The following CRADD variants were observed in gnomAD, a reference collection of about 807,000 sequenced individuals.
CRADD encodes death domain-containing protein CRADD.
Under a neutral mutation model 15.5 loss-of-function variants are expected in CRADD, and 9 were observed. The ratio of observed to expected loss-of-function variants is 0.58; its 90% CI spans 0.35 to 1.01. The LOEUF is 1.01. Ranked by LOEUF, CRADD falls within the 50% of genes least tolerant of loss-of-function variation. CRADD has a pLI of 0.02. For synonymous variants in CRADD, 118 were observed against 107.6 expected (o/e 1.10, Z -0.60); for missense variants, 227 against 250.3 (o/e 0.91, Z 0.63).
chr12:93,871,491 A>G (rs1049541714), intron 2 of CRADD, among the ~76,000 whole-genome samples: 1 of 152,160 alleles, frequency 6.6e-6, no homozygotes, highest in African/African-American at 2.4e-5. Flanking sequence ...GCTATCAAAT[A>G]GTAGGTCTTA....
At chr12:93,881,097 G>A (rs1240777788) in intron 2 of CRADD, among the ~76,000 whole-genome samples, 1 of 152,132 alleles carries the variant, frequency 6.6e-6, no homozygotes, top group Non-Finnish European at 1.5e-5. Flanking sequence ...TCTTCAGATG[G>A]TTGTCATTTT....
intron 2 of CRADD, among the ~76,000 whole-genome samples, chr12:93,812,894 C>T (rs1957645733): frequency 6.6e-6 from 1 of 152,184 alleles, no homozygotes; most frequent in East Asian, 1.9e-4. Flanking sequence ...TTTGCCATAT[C>T]CTGTATTGTT....
At chr12:93,810,792 A>G (rs906965105) in intron 2 of CRADD, among the ~76,000 whole-genome samples, 7 of 152,028 alleles carry the variant, frequency 4.6e-5, no homozygotes, top group African/African-American at 1.7e-4. Flanking sequence ...CAGCACTATC[A>G]CTGCCTGTCT....
chr12:93,772,572 T>C (rs980685923), intron 2 of CRADD, among the ~76,000 whole-genome samples: 2 of 152,236 alleles, frequency 1.3e-5, no homozygotes, highest in Non-Finnish European at 2.9e-5. Context: ...ATGGGAACAG[T>C]GCTTTTTCAA....
chr12:93,690,761 C>T (rs1955544954), intron 2 of CRADD, among the ~76,000 whole-genome samples: 1 of 152,178 alleles, frequency 6.6e-6, no homozygotes, highest in Non-Finnish European at 1.5e-5. Flanking sequence ...GTCTGTGCTT[C>T]TAATCACTAG....
intron 2 of CRADD, among the ~76,000 whole-genome samples, chr12:93,734,173 G>GTCCATCCA (rs896401744): frequency 2.0e-5 from 3 of 150,710 alleles, no homozygotes; most frequent in Non-Finnish European, 4.4e-5. Flanking sequence ...CCATCCATCC[G>GTCCATCCA]TCCATCCATC....
At chr12:93,762,808 T>G (rs1956981460) in intron 2 of CRADD, among the ~76,000 whole-genome samples, 1 of 152,088 alleles carries the variant, frequency 6.6e-6, no homozygotes, top group South Asian at 2.1e-4. Flanking sequence ...ATTTGTAAAA[T>G]TTGTCCTTTT....
intron 2 of CRADD, among the ~76,000 whole-genome samples, chr12:93,838,666 C>A (rs1958010859): frequency 1.3e-5 from 2 of 151,608 alleles, no homozygotes; most frequent in South Asian, 4.2e-4. Context: ...ACTCTTGTTC[C>A]CCCTCCCTCT....
At position 93,880,731 on chromosome 12, in the gene CRADD, G is replaced by A. The variant is rs191660766; in HGVS notation, c.299-13319G>A. Among the ~76,000 whole-genome samples, 108 of 152,322 alleles carry A rather than the reference G, an allele frequency of 7.1e-4. 1 individual carries two copies. Among genetic ancestry groups the A allele is most frequent in the African/African-American group, 2.5e-3 (104 of 41,570 alleles). ...CTGATGTCTGGAGATCAGTCAGATAGGTGGATTTCTTCAGGTCTTCTTTGG... is the reference window on the plus strand; with the variant it reads ...CTGATGTCTGGAGATCAGTCAGATAAGTGGATTTCTTCAGGTCTTCTTTGG... On this transcript the variant is annotated intron_variant, in intron 2 of 2. Coordinates refer to the CRADD transcript ENST00000548483.
intron 2 of CRADD, among the ~76,000 whole-genome samples, chr12:93,757,143 C>T (rs566459055): frequency 3.9e-5 from 6 of 152,292 alleles, no homozygotes; most frequent in African/African-American, 1.4e-4. Context: ...CTTAATAAAG[C>T]ATTAGAAGAT....
At chr12:93,855,531 T>C (rs894214455), downstream of CRADD, among the ~76,000 whole-genome samples, 2 of 152,198 alleles carry the variant, frequency 1.3e-5, no homozygotes, top group Admixed American at 1.3e-4. Flanking sequence ...CGCCTGAGTA[T>C]CGAGTCTATG....
At chr12:93,878,997 C>G (rs796383729) in intron 2 of CRADD, among the ~76,000 whole-genome samples, 39 of 152,264 alleles carry the variant, frequency 2.6e-4, no homozygotes, top group African/African-American at 8.9e-4. Flanking sequence ...GCCTCCAAAT[C>G]TCCCACAATT....
intron 2 of CRADD, among the ~76,000 whole-genome samples, chr12:93,793,318 G>A (rs2136987703): frequency 6.6e-6 from 1 of 152,194 alleles, no homozygotes; most frequent in East Asian, 1.9e-4. Flanking sequence ...TATTACTTAA[G>A]CTATATTATG....
intron 2 of CRADD, among the ~76,000 whole-genome samples, chr12:93,781,674 CT>C (rs1363620132): frequency 1.9e-4 from 29 of 152,230 alleles, no homozygotes; most frequent in Admixed American, 1.8e-3. Flanking sequence ...CCCACATCCC[CT>C]CCCTCAACGA....
At chr12:93,720,596 G>C (rs1380864542) in intron 2 of CRADD, among the ~76,000 whole-genome samples, 1 of 152,062 alleles carries the variant, frequency 6.6e-6, no homozygotes, top group Non-Finnish European at 1.5e-5. Context: ...ATGCTCTGTT[G>C]TTAGGCACAT....
chr12:93,850,170 T>C lies in CRADD; in HGVS notation c.499T>C (p.Trp167Arg), dbSNP rs1304399449. 6.2e-7 allele frequency: 1 copy of C among 1,613,800 alleles called. No homozygotes were observed. Among genetic ancestry groups the C allele is most frequent in the South Asian group, 1.1e-5 (1 of 91,054 alleles). Residue 167 changes from tryptophan (W) to arginine (R), a missense_variant, in exon 3 of 3, where the codon TGG (tryptophan) becomes CGG (arginine). Transcript: ENST00000332896. The surrounding 1 kb of genome is among the most constrained non-coding windows in gnomAD (Gnocchi z 4.0). ...GCAGGTGGTGGAGGCCTTCATCCGTTGGCGGCAGCGCTTCGGGAAGCAGGC... is the reference window on the plus strand; with the variant it reads ...GCAGGTGGTGGAGGCCTTCATCCGTCGGCGGCAGCGCTTCGGGAAGCAGGC... ...QSQVVEAFIR[W>R]RQRFGKQATF...
intron 2 of CRADD, among the ~76,000 whole-genome samples, chr12:93,874,082 T>G (rs2137068332): frequency 6.6e-6 from 1 of 152,264 alleles, no homozygotes; most frequent in East Asian, 1.9e-4. Flanking sequence ...CCTGGGCTTT[T>G]CTTTACTGGG....
chr12:93,891,388 G>A (rs1167405552), intron 2 of CRADD, among the ~76,000 whole-genome samples: 2 of 152,188 alleles, frequency 1.3e-5, no homozygotes, highest in East Asian at 3.9e-4. Flanking sequence ...TTGAGAGGCT[G>A]AAGCACAAGA....
chr12:93,820,667 T>C (rs1376044688), intron 2 of CRADD, among the ~76,000 whole-genome samples: 1 of 152,244 alleles, frequency 6.6e-6, no homozygotes. Context: ...CTGGTGCTCA[T>C]GTGTTTGCCA....
Sources: allele counts gnomAD v4.1 joint callset (sites outside exome capture counted in the v4.1 genomes callset), GRCh38; gene constraint gnomAD v4.1.1; non-coding constraint Gnocchi (gnomAD v3.1); transcripts MANE v1.5; gene names NCBI Gene and HGNC (gene_info 2026-07-23, HGNC 2026-07-21).